Variants in XIRP2 observed in about 807,000 individuals in gnomAD.
The protein encoded by XIRP2 is xin actin binding repeat containing 2, also known as xin actin-binding repeat-containing protein 2.
Under a neutral mutation model 277.0 loss-of-function variants are expected in XIRP2, and 236 were observed. The ratio of observed to expected loss-of-function variants is 0.85; its 90% CI spans 0.77 to 0.95. The LOEUF is 0.95. XIRP2 is among the 40% of genes least tolerant of loss of function. The probability of loss-of-function intolerance (pLI) is 0.00; values close to 1 mark genes in which losing one functional copy is unlikely to be tolerated. For synonymous variants in XIRP2, 1,490 were observed against 1,416.5 expected, an observed-to-expected ratio of 1.05 and a Z score of -1.17; for missense variants, 4,640 against 4,157.5, an observed-to-expected ratio of 1.12 and a Z score of -3.19.
chr2:167,230,226 A>G (rs1272742380), intron 5 of XIRP2, among the ~76,000 whole-genome samples: 1 of 152,162 alleles, frequency 6.6e-6, no homozygotes, highest in Non-Finnish European at 1.5e-5. Flanking sequence ...AGCAGTGTTT[A>G]AAAACATTGG....
At chr2:166,995,564 G>T (rs1479952325) in intron 2 of XIRP2, among the ~76,000 whole-genome samples, 2 of 152,154 alleles carry the variant, frequency 1.3e-5, no homozygotes, top group African/African-American at 4.8e-5. Flanking sequence ...TGAGTTTAAA[G>T]AGATTGAGAA....
At position 167,242,719 on chromosome 2, in the gene XIRP2, G is replaced by T; in HGVS notation, c.1327G>T (p.Ala443Ser). ...TTCCTCAACTCTGGCACAAATTAAT[G>T]CTACTTCTTCAGGAATGACAGAAGA... ...VTSSTLAQIN[A>S]TSSGMTEEFP... The change falls in exon 9 of 11, where the codon GCT becomes TCT. Residue 443 changes from alanine to serine, a missense_variant. Transcript: ENST00000409195. 1 of 1,614,052 alleles carries T rather than the reference G, an allele frequency of 6.2e-7. No individual in the cohort carries two copies. Among genetic ancestry groups the T allele is most frequent in the Non-Finnish European group, 8.5e-7 (1 of 1,179,988 alleles).
intron 2 of XIRP2, among the ~76,000 whole-genome samples, chr2:167,102,223 G>T (rs983169890): frequency 6.6e-6 from 1 of 152,192 alleles, no homozygotes; most frequent in African/African-American, 2.4e-5. Flanking sequence ...AAACAGCATT[G>T]TTAGAATCAG....
chr2:166,975,753 G>A (rs900547426), intron 2 of XIRP2, among the ~76,000 whole-genome samples: 9 of 151,566 alleles, frequency 5.9e-5, no homozygotes, highest in Admixed American at 5.3e-4. Context: ...GTGAAACCCC[G>A]TCTCTACTAA....
chr2:166,996,670 T>A (rs1687229521), intron 2 of XIRP2, among the ~76,000 whole-genome samples: 1 of 152,138 alleles, frequency 6.6e-6, no homozygotes, highest in Non-Finnish European at 1.5e-5. Context: ...AGTTGGCATT[T>A]TTTCAGTATG....
At chr2:166,960,273 T>C (rs1686267316) in intron 2 of XIRP2, among the ~76,000 whole-genome samples, 2 of 151,634 alleles carry the variant, frequency 1.3e-5, no homozygotes, top group Admixed American at 1.3e-4. Context: ...AAAATGCCAT[T>C]AACAATATCC....
At chr2:167,045,525 G>A (rs1016020531) in intron 2 of XIRP2, among the ~76,000 whole-genome samples, 2 of 151,690 alleles carry the variant, frequency 1.3e-5, no homozygotes, top group Non-Finnish European at 2.9e-5. Flanking sequence ...CCTAATATTC[G>A]GAATCTATAA....
chr2:167,019,467 C>T (rs1326441884), intron 2 of XIRP2, among the ~76,000 whole-genome samples: 1 of 151,976 alleles, frequency 6.6e-6, no homozygotes, highest in Non-Finnish European at 1.5e-5. Flanking sequence ...GGCTTGACCT[C>T]TTTGCTACAA....
chr2:166,928,671 T>G (rs1685250756), intron 2 of XIRP2, among the ~76,000 whole-genome samples: 1 of 152,130 alleles, frequency 6.6e-6, no homozygotes, highest in South Asian at 2.1e-4. Context: ...TTAATCAATG[T>G]TTCAAGCAGC....
At chr2:166,942,440 T>C (rs1451291196) in intron 2 of XIRP2, among the ~76,000 whole-genome samples, 1 of 152,182 alleles carries the variant, frequency 6.6e-6, no homozygotes, top group African/African-American at 2.4e-5. Flanking sequence ...ATTTGTTCCA[T>C]GTCATATATA....
chr2:166,912,563 C>G (rs982593141), intron 2 of XIRP2, among the ~76,000 whole-genome samples: 2 of 152,286 alleles, frequency 1.3e-5, no homozygotes, highest in South Asian at 4.1e-4. Context: ...ACTTCCTCCT[C>G]TAGCTTGGAG....
intron 5 of XIRP2, among the ~76,000 whole-genome samples, chr2:167,229,285 T>A (rs1192358457): frequency 6.6e-6 from 1 of 152,126 alleles, no homozygotes; most frequent in Non-Finnish European, 1.5e-5. Context: ...TAAAAACAGA[T>A]CTTTTTGTAT....
At chr2:167,125,827 A>T (rs1691186251) in intron 2 of XIRP2, among the ~76,000 whole-genome samples, 1 of 152,152 alleles carries the variant, frequency 6.6e-6, no homozygotes, top group African/African-American at 2.4e-5. Flanking sequence ...CTATGGGTTG[A>T]CTTAACTCAG....
At chr2:167,189,832 G>T (rs1316028217) in intron 3 of XIRP2, among the ~76,000 whole-genome samples, 1 of 152,042 alleles carries the variant, frequency 6.6e-6, no homozygotes, top group Non-Finnish European at 1.5e-5. Flanking sequence ...CCAGGACTCG[G>T]CAAAGACTCC....
chr2:166,893,941 A>C (rs1002991615), intron 1 of XIRP2, among the ~76,000 whole-genome samples: 1 of 152,182 alleles, frequency 6.6e-6, no homozygotes, highest in Non-Finnish European at 1.5e-5. Flanking sequence ...GACTATTTAC[A>C]AAGCTTGTTT....
In XIRP2 at chr2:167,240,331, C is replaced by T. The variant is rs559765595; in HGVS notation, c.970-333C>T. 9.2e-5 allele frequency among the ~76,000 whole-genome samples: 14 copies of T among 152,188 alleles called. No homozygotes were observed. In the East Asian group the frequency reaches 2.3e-3, roughly 25 times the overall value. On this transcript the variant is annotated intron_variant, in intron 6 of 10. Transcript: ENST00000409195. ...TCGGGGGGCTGAGGCAGGAGAATCA[C>T]GTGAACCCGGGAGGCGGAGGTTGCA...
intron 2 of XIRP2, among the ~76,000 whole-genome samples, chr2:166,985,279 A>G (rs768169265): frequency 6.6e-6 from 1 of 152,224 alleles, no homozygotes; most frequent in Non-Finnish European, 1.5e-5. Context: ...ATAAGAAAAT[A>G]AAAAGTAATC....
chr2:166,913,017 G>A (rs955660393), intron 2 of XIRP2, among the ~76,000 whole-genome samples: 3 of 152,198 alleles, frequency 2.0e-5, no homozygotes, highest in Non-Finnish European at 4.4e-5. Flanking sequence ...TGCCCCTACT[G>A]GAGGATGCCT....
chr2:167,165,293 A>C (rs1005923623), intron 3 of XIRP2, among the ~76,000 whole-genome samples: 1 of 152,206 alleles, frequency 6.6e-6, no homozygotes, highest in Non-Finnish European at 1.5e-5. Flanking sequence ...TCATATGTAA[A>C]CCTGCTATGA....
Sources: gnomAD v4.1 joint callset for allele counts (sites outside exome capture counted in the v4.1 genomes callset) on GRCh38, gnomAD v4.1.1 for gene constraint, MANE v1.5 for transcripts, NCBI Gene and HGNC (gene_info 2026-07-23, HGNC 2026-07-21) for gene names.